Variants in ERC2 observed in about 807,000 individuals in gnomAD.
ERC2 encodes ERC protein 2.
In ERC2, 42 loss-of-function variants were observed where a neutral mutation model predicts 114.8. The observed-to-expected ratio is 0.37, with a 90% CI of 0.29 to 0.47. ERC2 has a LOEUF of 0.47. Among genes scored for constraint, ERC2 ranks in the 20% least tolerant of loss-of-function variants. The pLI is 0.99. For missense variants in ERC2, 939 were observed against 1,150.7 expected (o/e 0.82, Z 2.66); for synonymous variants, 454 against 425.5 (o/e 1.07, Z -0.82).
intron 14 of ERC2, among the ~76,000 whole-genome samples, chr3:55,830,771 C>G (rs959578176): frequency 4.0e-5 from 6 of 151,856 alleles, no homozygotes; most frequent in African/African-American, 1.5e-4. Context: ...TAGCAAGACC[C>G]CATTTCTAAA....
In ERC2 at chr3:56,040,597, A is replaced by G. The variant is rs371882235; in HGVS notation, c.1642-21566T>C. Among the ~76,000 whole-genome samples the G allele has an allele frequency of 0.01, 28 of 2,718 alleles. No individual in the cohort carries two copies. The South Asian group carries it at 0.11, about 11-fold the overall frequency. The allele number at this position is 2,718 out of a possible 152,430, so 1.8% of individuals were successfully genotyped here. ...TATGTATACATATACATATATATCT[A>G]TATATGTATATATAATATATAGATG... is the stretch of plus-strand genomic sequence containing the variant. On this transcript the variant is annotated intron_variant, in intron 7 of 17. Coordinates refer to ENST00000288221, the MANE Select transcript of ERC2 (RefSeq NM_015576.3).
intron 14 of ERC2, among the ~76,000 whole-genome samples, chr3:55,757,996 C>T (rs1412071195): frequency 6.6e-6 from 1 of 151,730 alleles, no homozygotes. Flanking sequence ...AACGATAGAG[C>T]CCATTTTTTC....
chr3:55,845,454 A>G (rs1386968721), intron 14 of ERC2, among the ~76,000 whole-genome samples: 1 of 136,906 alleles, frequency 7.3e-6, no homozygotes, highest in African/African-American at 2.8e-5. Flanking sequence ...CAGTGAGCCG[A>G]GATCCCGCCA....
At chr3:55,921,175 C>T (rs1576202321) in intron 13 of ERC2, among the ~76,000 whole-genome samples, 1 of 152,094 alleles carries the variant, frequency 6.6e-6, no homozygotes, top group Non-Finnish European at 1.5e-5. Context: ...TTAGCGGCTT[C>T]AATTGAATCA....
At chr3:56,345,320 C>T (rs2058262639) in intron 2 of ERC2, among the ~76,000 whole-genome samples, 1 of 152,174 alleles carries the variant, frequency 6.6e-6, no homozygotes, top group Non-Finnish European at 1.5e-5. Context: ...GGAGACACAA[C>T]ACTAAAAAAG....
chr3:56,422,742 C>G (rs1411439377), intron 2 of ERC2, among the ~76,000 whole-genome samples: 1 of 152,150 alleles, frequency 6.6e-6, no homozygotes, highest in Non-Finnish European at 1.5e-5. Context: ...CTAAGCATAC[C>G]TGAGATCAAA....
intron 2 of ERC2, among the ~76,000 whole-genome samples, chr3:56,409,309 T>C (rs1482214093): frequency 6.6e-6 from 1 of 152,318 alleles, no homozygotes; most frequent in East Asian, 1.9e-4. Flanking sequence ...ATCAAACTAA[T>C]TGCCAGCCAA....
chr3:56,099,605 G>A (rs537418915), intron 6 of ERC2, among the ~76,000 whole-genome samples: 31 of 152,236 alleles, frequency 2.0e-4, no homozygotes, highest in Admixed American at 7.2e-4. Flanking sequence ...GGAAGTACAC[G>A]GGATCTCCAC....
intron 14 of ERC2, among the ~76,000 whole-genome samples, chr3:55,846,441 A>G (rs1306170743): frequency 6.6e-6 from 1 of 152,298 alleles, no homozygotes; most frequent in East Asian, 1.9e-4. Flanking sequence ...TATTGTGTAC[A>G]GTGCTGGAAT....
At chr3:55,798,915 T>C (rs972248069) in intron 14 of ERC2, among the ~76,000 whole-genome samples, 1 of 152,192 alleles carries the variant, frequency 6.6e-6, no homozygotes, top group African/African-American at 2.4e-5. Flanking sequence ...AAAAATAATT[T>C]TATAAATGCT....
In ERC2 at chr3:55,713,272, G is replaced by A. The variant is rs372409096; in HGVS notation, c.2713-13760C>T. Among the ~76,000 whole-genome samples the A allele has an allele frequency of 5.9e-5, 9 of 151,968 alleles. No individual in the cohort carries two copies. In the South Asian group the frequency reaches 8.3e-4, roughly 14 times the overall value. The stretch of plus-strand genomic sequence containing the variant: ...GTTGCCCAGGCTGGAGTGCAATGGG[G>A]CAGTCTTGGCTCACTGCAACCTCTA... On this transcript the variant is annotated intron_variant, in intron 15 of 17. Transcript: ENST00000288221.
chr3:56,128,422 C>T (rs1222481336), intron 6 of ERC2, among the ~76,000 whole-genome samples: 1 of 152,204 alleles, frequency 6.6e-6, no homozygotes, highest in East Asian at 1.9e-4. Context: ...CAATAAAAAG[C>T]TTATCAAAAT....
intron 2 of ERC2, among the ~76,000 whole-genome samples, chr3:56,333,908 G>T (rs1305108955): frequency 6.6e-6 from 1 of 152,102 alleles, no homozygotes; most frequent in Middle Eastern, 3.2e-3. Context: ...ACTCTTGGGA[G>T]GCTCTTTCTT....
chr3:55,844,646 G>A (rs1413241178), intron 14 of ERC2, among the ~76,000 whole-genome samples: 3 of 152,164 alleles, frequency 2.0e-5, no homozygotes, highest in Non-Finnish European at 4.4e-5. Context: ...ATGTACAAAG[G>A]TGAAGTCATA....
intron 1 of ERC2, among the ~76,000 whole-genome samples, chr3:56,450,795 C>A (rs1366458747): frequency 1.3e-5 from 2 of 151,906 alleles, no homozygotes; most frequent in Non-Finnish European, 2.9e-5. Flanking sequence ...CACGCCGTTG[C>A]GCTCCAGCCT....
intron 14 of ERC2, among the ~76,000 whole-genome samples, chr3:55,836,984 G>A (rs1267156883): frequency 1.3e-5 from 2 of 152,180 alleles, no homozygotes; most frequent in Non-Finnish European, 2.9e-5. Flanking sequence ...GATTTATGCA[G>A]CCAAAACACA....
At chr3:55,585,164 C>A (rs923211742) in intron 17 of ERC2, among the ~76,000 whole-genome samples, 1 of 152,176 alleles carries the variant, frequency 6.6e-6, no homozygotes, top group African/African-American at 2.4e-5. Context: ...GGTCCAGATT[C>A]TCTGGCCTGA....
chr3:56,004,598 A>G (rs898360369), intron 10 of ERC2, among the ~76,000 whole-genome samples: 16 of 152,044 alleles, frequency 1.1e-4, no homozygotes, highest in African/African-American at 3.6e-4. Flanking sequence ...CATTGTTTAC[A>G]AGACAAAAAT....
intron 15 of ERC2, among the ~76,000 whole-genome samples, chr3:55,713,023 A>G (rs534133442): frequency 6.6e-6 from 1 of 151,704 alleles, no homozygotes; most frequent in Admixed American, 6.6e-5. Flanking sequence ...GATTTTTACC[A>G]TCTGCTGTGC....
Sources: allele counts gnomAD v4.1 joint callset (sites outside exome capture counted in the v4.1 genomes callset), GRCh38; gene constraint gnomAD v4.1.1; transcripts MANE v1.5; gene names NCBI Gene and HGNC (gene_info 2026-07-23, HGNC 2026-07-21).